Variants in RAPGEF6 observed in about 807,000 individuals in gnomAD.
RAPGEF6 encodes the protein PDZ domain containing guanine nucleotide exchange factor (GEF) 2.
Under a neutral mutation model 171.4 loss-of-function variants are expected in RAPGEF6, and 56 were observed. That is an observed-to-expected ratio of 0.33 (90% CI 0.26 to 0.41). The LOEUF (loss-of-function observed/expected upper bound fraction) is 0.41. RAPGEF6 is among the 10% of genes least tolerant of loss of function. The pLI, the probability that RAPGEF6 is intolerant of heterozygous loss-of-function variation, is 1.00. For missense variants in RAPGEF6, 1,674 were observed against 1,921.4 expected, an observed-to-expected ratio of 0.87 and a Z score of 2.41; for synonymous variants, 692 against 650.1, an observed-to-expected ratio of 1.06 and a Z score of -0.98.
At chr5:131,481,782 G>A (rs114706266) in intron 15 of RAPGEF6, among the ~76,000 whole-genome samples, 1,602 of 152,314 alleles carry the variant, frequency 0.011, 35 homozygotes, top group African/African-American at 0.036. Context: ...CATATTCTTA[G>A]AATAGACTTA....
intron 5 of RAPGEF6, among the ~76,000 whole-genome samples, chr5:131,551,215 AT>A (rs1175254158): frequency 6.6e-6 from 1 of 152,164 alleles, no homozygotes. Flanking sequence ...ACAGTGTCTC[AT>A]AAAAGTTAAT....
intron 24 of RAPGEF6, chr5:131,435,880 G>A: frequency 6.9e-7 from 1 of 1,446,832 alleles, no homozygotes; most frequent in Non-Finnish European, 9.1e-7. Context: ...TTGACAAATG[G>A]TTTAATTTAA....
chr5:131,505,667 C>G, intron 9 of RAPGEF6, 145 bp from the exon 10 acceptor site: 1 of 694,464 alleles, frequency 1.4e-6, no homozygotes, highest in Non-Finnish European at 2.3e-6. Flanking sequence ...CTGTAACACC[C>G]TATGCTTTGA....
chr5:131,562,938 G>C (rs921705773), intron 4 of RAPGEF6, among the ~76,000 whole-genome samples: 1 of 151,986 alleles, frequency 6.6e-6, no homozygotes, highest in Non-Finnish European at 1.5e-5. Flanking sequence ...AGCTGGACCA[G>C]TACTAAAAGA....
At chr5:131,515,953 T>C (rs1758042953) in intron 7 of RAPGEF6, among the ~76,000 whole-genome samples, 1 of 151,424 alleles carries the variant, frequency 6.6e-6, no homozygotes, top group African/African-American at 2.4e-5. Flanking sequence ...AATACAAGAG[T>C]AATTAAAAAT....
Position 131,562,025 on chromosome 5 carries a change from T to C in RAPGEF6, c.304A>G (p.Lys102Glu). Residue 102 changes from lysine to glutamate, a missense_variant, in exon 5 of 28, where the codon AAA becomes GAA. Transcript: ENST00000509018. ...PCSFGKQFGG[K>E]RGCDCLVLEP... ...AATACAAGACAATCACATCCTCTTTTTCCTCCAAACTGCTTACCAAAACTA... is the reference window on the plus strand; with the variant it reads ...AATACAAGACAATCACATCCTCTTTCTCCTCCAAACTGCTTACCAAAACTA... 6.3e-7 allele frequency: 1 copy of C among 1,590,496 alleles called. No individual in the cohort carries two copies. The highest frequency in any genetic ancestry group is 8.5e-7 in the Non-Finnish European group (1 of 1,170,078).
At chr5:131,585,291 T>TACAC (rs1395142488) in intron 4 of RAPGEF6, among the ~76,000 whole-genome samples, 1 of 135,068 alleles carries the variant, frequency 7.4e-6, no homozygotes, top group Non-Finnish European at 1.5e-5. Context: ...AAAAAAACTA[T>TACAC]ACATACATAC....
At chr5:131,512,623 G>A (rs569685329) in intron 7 of RAPGEF6, among the ~76,000 whole-genome samples, 4 of 152,054 alleles carry the variant, frequency 2.6e-5, no homozygotes, top group Admixed American at 2.6e-4. Context: ...TAACAATCTA[G>A]ACTAAATACT....
intron 5 of RAPGEF6, among the ~76,000 whole-genome samples, chr5:131,559,140 C>T (rs1761430200): frequency 6.6e-6 from 1 of 151,962 alleles, no homozygotes; most frequent in Non-Finnish European, 1.5e-5. Flanking sequence ...ACCAGCCTGG[C>T]CAACATGGCA....
At chr5:131,471,122 G>C (rs993540809) in intron 17 of RAPGEF6, among the ~76,000 whole-genome samples, 2 of 152,044 alleles carry the variant, frequency 1.3e-5, no homozygotes, top group African/African-American at 2.4e-5. Context: ...CATTAACTTC[G>C]GATCAAATAA....
intron 6 of RAPGEF6, among the ~76,000 whole-genome samples, chr5:131,528,184 T>C (rs1580974460): frequency 1.1e-4 from 2 of 18,832 alleles, no homozygotes; most frequent in East Asian, 1.7e-3. Context: ...AAATTTATAT[T>C]ATATTATAAT....
chr5:131,579,512 A>G (rs992723358), intron 4 of RAPGEF6, among the ~76,000 whole-genome samples: 1 of 152,218 alleles, frequency 6.6e-6, no homozygotes, highest in Admixed American at 6.5e-5. Context: ...GTGCGTTTAC[A>G]ATCCCTGAGC....
At chr5:131,494,685 C>T (rs986350985) in intron 13 of RAPGEF6, among the ~76,000 whole-genome samples, 11 of 152,160 alleles carry the variant, frequency 7.2e-5, no homozygotes, top group African/African-American at 2.7e-4. Context: ...ATAGTCATCA[C>T]ATGTGTGTTT....
chr5:131,483,945 C>T (rs1755683941), intron 15 of RAPGEF6, among the ~76,000 whole-genome samples: 1 of 151,298 alleles, frequency 6.6e-6, no homozygotes, highest in African/African-American at 2.4e-5. Context: ...CTAAAGAATA[C>T]AAAAAATTAG....
At position 131,449,969 on chromosome 5, in the gene RAPGEF6, A is replaced by G. The variant is rs371598175; in HGVS notation, c.3200+3085T>C. ...CGTGCATTAATGAAAAGGATGCAAT[A>G]TATGTTAAGAGTCGCACAACCTTCA... On this transcript the variant is annotated intron_variant, in intron 21 of 27. Transcript: ENST00000509018. The G allele has an allele frequency of 4.9e-5, 73 of 1,484,968 alleles. 1 individual carries two copies. The highest frequency in any genetic ancestry group is 6.1e-5 in the Non-Finnish European group (67 of 1,099,734). The allele number at this position is 1,484,968 out of a possible 1,614,324, so 92.0% of individuals were successfully genotyped here.
intron 26 of RAPGEF6, among the ~76,000 whole-genome samples, 196 bp from the exon 27 acceptor site, chr5:131,429,412 T>C (rs867620648): frequency 1.3e-5 from 2 of 152,182 alleles, no homozygotes; most frequent in African/African-American, 4.8e-5. Flanking sequence ...TAAACAACTA[T>C]ATTAAGTCCT....
intron 1 of RAPGEF6, among the ~76,000 whole-genome samples, chr5:131,617,581 T>C (rs1474798358): frequency 6.6e-6 from 1 of 152,050 alleles, no homozygotes; most frequent in Non-Finnish European, 1.5e-5. Context: ...GCCTCTTGAG[T>C]AGCTGGGATT....
At chr5:131,537,244 T>C (rs2149933756) in intron 6 of RAPGEF6, among the ~76,000 whole-genome samples, 1 of 152,292 alleles carries the variant, frequency 6.6e-6, no homozygotes. Context: ...GTCTTCCTAA[T>C]TCTGGTTCCC....
At chr5:131,528,313 T>TATTATATATATATATATATATA (rs1251388931) in intron 6 of RAPGEF6, among the ~76,000 whole-genome samples, 4 of 48,844 alleles carry the variant, frequency 8.2e-5, no homozygotes, top group Admixed American at 5.3e-4. Context: ...TATATTTATA[T>TATTATATATATATATATATATA]TATATATATA....
Sources: allele counts gnomAD v4.1 joint callset (sites outside exome capture counted in the v4.1 genomes callset), GRCh38; gene constraint gnomAD v4.1.1; transcripts MANE v1.5; gene names NCBI Gene and HGNC (gene_info 2026-07-23, HGNC 2026-07-21).